GCNT2: variants seen among roughly 807,000 people sequenced by gnomAD.
GCNT2 encodes the protein glucosaminyl (N-acetyl) transferase 2 (I blood group).
In GCNT2, 34 loss-of-function variants were observed where a neutral mutation model predicts 34.2. The ratio of observed to expected loss-of-function variants is 1.00; its 90% confidence interval spans 0.76 to 1.32. The LOEUF is 1.32. Among genes scored for constraint, GCNT2 ranks in the 40% most tolerant of loss-of-function variants. GCNT2 has a pLI of 0.00. For missense variants in GCNT2, 584 were observed against 489.4 expected (o/e 1.19, Z -1.82); for synonymous variants, 212 against 188.0 (o/e 1.13, Z -1.04).
chr6:10,615,967 C>T (rs1765740363), intron 3 of GCNT2, among the ~76,000 whole-genome samples: 1 of 152,196 alleles, frequency 6.6e-6, no homozygotes, highest in East Asian at 1.9e-4. Context: ...TGTGCTGACT[C>T]CTGTCTCATC....
intron 3 of GCNT2, among the ~76,000 whole-genome samples, chr6:10,591,205 C>T (rs775916313): frequency 9.2e-5 from 14 of 152,206 alleles, no homozygotes; most frequent in Admixed American, 3.9e-4. Context: ...ACTACTCCTA[C>T]GCTGCATGCA....
intron 3 of GCNT2, among the ~76,000 whole-genome samples, chr6:10,606,873 T>C (rs1201835169): frequency 6.6e-6 from 1 of 152,004 alleles, no homozygotes; most frequent in Non-Finnish European, 1.5e-5. Context: ...TATAACCAGC[T>C]CTCCTCATGT....
At chr6:10,573,621 A>C (rs1379102251) in intron 3 of GCNT2, among the ~76,000 whole-genome samples, 1 of 152,242 alleles carries the variant, frequency 6.6e-6, no homozygotes. Flanking sequence ...TAATTTTTAG[A>C]AGCTTTCTCA....
chr6:10,533,177 G>T (rs965153668), intron 3 of GCNT2, among the ~76,000 whole-genome samples: 1 of 151,410 alleles, frequency 6.6e-6, no homozygotes. Flanking sequence ...GTGGTGGCAC[G>T]TGCCTGTAAT....
rs547942204 is a variant in GCNT2 at position 10,572,446 on chromosome 6, G to A, written c.925+42610G>A. The stretch of plus-strand genomic sequence containing the variant: ...CATCTAAAAGGATAGATGGCAGGCC[G>A]GGCGCTGTGGCTCACGCCTGTAATC... On this transcript the variant is annotated intron_variant, in intron 3 of 4. Transcript: ENST00000495262. Among the ~76,000 whole-genome samples the A allele has an allele frequency of 5.9e-5, 9 of 152,214 alleles. No individual in the cohort carries two copies. In the South Asian group the frequency reaches 1.2e-3, roughly 21 times the overall value.
chr6:10,588,907 G>T (rs1050873796), intron 3 of GCNT2, among the ~76,000 whole-genome samples: 2 of 100,384 alleles, frequency 2.0e-5, no homozygotes, highest in African/African-American at 7.4e-5. Context: ...GTTGTGTGGT[G>T]TGTGTGTAGT....
In GCNT2 at chr6:10,589,312, T is replaced by C. The variant is rs1764528256; in HGVS notation, c.926-32039T>C. Among the ~76,000 whole-genome samples, 4 of 119,390 alleles carry C rather than the reference T, an allele frequency of 3.4e-5. No individual in the cohort carries two copies. In the South Asian group the frequency reaches 9.6e-4, roughly 29 times the overall value. The allele number at this position is 119,390 out of a possible 152,430, so 78.3% of individuals were successfully genotyped here. ...TGTGTGGTGTGTAGTGTGTGGTGTG[T>C]TTGTAGTGTGGTGTGTTTGTAGTGT... On this transcript the variant is annotated intron_variant, in intron 3 of 4. Coordinates refer to ENST00000495262, the MANE Select transcript of GCNT2 (RefSeq NM_145649.5).
chr6:10,545,013 TAAAG>T (rs1762210086), intron 3 of GCNT2, among the ~76,000 whole-genome samples: 1 of 152,246 alleles, frequency 6.6e-6, no homozygotes, highest in South Asian at 2.1e-4. Flanking sequence ...GGAAAATAAA[TAAAG>T]CAATTTAATT....
Position 10,626,582 on chromosome 6 carries a change from C to A in GCNT2, c.1184C>A (p.Ala395Glu), listed in dbSNP as rs371217806. The A allele has an allele frequency of 6.2e-7, 1 of 1,613,384 alleles. No individual in the cohort carries two copies. The highest frequency in any genetic ancestry group is 8.5e-7 in the Non-Finnish European group (1 of 1,179,430). Reference protein sequence around the residue: ...RERTLNQSETAIQPSWYF With the variant: ...RERTLNQSETEIQPSWYF ...AGAACCCTCAATCAGAGTGAAACTGCGATACAACCCAGCTGGTATTTTTGA... is the reference window on the plus strand; with the variant it reads ...AGAACCCTCAATCAGAGTGAAACTGAGATACAACCCAGCTGGTATTTTTGA... The change falls in exon 5 of 5, where the codon GCG (alanine) becomes GAG (glutamate). Residue 395 changes from alanine to glutamate, a missense_variant. By Grantham distance (107) the Ala-to-Glu change is moderately radical. Transcript: ENST00000495262.
chr6:10,541,255 A>G (rs774310084), intron 3 of GCNT2, among the ~76,000 whole-genome samples: 2 of 152,176 alleles, frequency 1.3e-5, no homozygotes, highest in African/African-American at 4.8e-5. Flanking sequence ...GTATGAGAAC[A>G]TGCGGTGTTT....
At chr6:10,621,819 C>T (rs2127445213) in intron 4 of GCNT2, among the ~76,000 whole-genome samples, 2 of 152,288 alleles carry the variant, frequency 1.3e-5, no homozygotes, top group African/African-American at 4.8e-5. Context: ...AGGCCTCACA[C>T]CTCAGCCTCC....
At chr6:10,576,167 G>A (rs1581431741) in intron 3 of GCNT2, among the ~76,000 whole-genome samples, 1 of 152,292 alleles carries the variant, frequency 6.6e-6, no homozygotes, top group Middle Eastern at 3.4e-3. Context: ...ACCACGCCCT[G>A]CCACATTTTC....
intron 3 of GCNT2, among the ~76,000 whole-genome samples, chr6:10,579,741 G>A (rs1477732293): frequency 6.6e-6 from 1 of 150,674 alleles, no homozygotes; most frequent in African/African-American, 2.4e-5. Context: ...GCTTGAACCC[G>A]GAAGGCGGAG....
intron 3 of GCNT2, among the ~76,000 whole-genome samples, chr6:10,583,317 G>T (rs944316018): frequency 1.3e-5 from 2 of 152,138 alleles, no homozygotes; most frequent in Non-Finnish European, 2.9e-5. Flanking sequence ...TGGCTGCATT[G>T]TGAATCAAAT....
rs1561816430 is a variant in GCNT2, at chr6:10,582,335, CTATATAATATAT to C, written c.926-39015_926-39004del. Reference sequence around the variant, plus strand: ...ATAGTAATATTAAATATAATATATACTATATAATATATAGTAATATTAAATATAATATATACT... The same window carrying C: ...ATAGTAATATTAAATATAATATATACAGTAATATTAAATATAATATATACT... On this transcript the variant is annotated intron_variant, in intron 3 of 4. Transcript: ENST00000495262. Among the ~76,000 whole-genome samples the C allele has an allele frequency of 7.2e-4, 62 of 86,358 alleles. 1 individual carries two copies. The highest frequency in any genetic ancestry group is 3.7e-3 in the African/African-American group (59 of 15,856). 56.7% of individuals were successfully genotyped at this position (86,358 alleles called of 152,430 possible). A position where few individuals can be genotyped will look rare whatever the true frequency, so the allele number is the denominator to read the frequency against.
chr6:10,543,020 A>T (rs1015565914), intron 3 of GCNT2, among the ~76,000 whole-genome samples: 1 of 145,256 alleles, frequency 6.9e-6, no homozygotes, highest in African/African-American at 2.6e-5. Flanking sequence ...CGATTCTCCT[A>T]CCTCAGCCTC....
rs372109630 is a variant in GCNT2 at position 10,614,188 on chromosome 6, T to C, written c.926-7163T>C. Among the ~76,000 whole-genome samples, 41 of 152,274 alleles carry C rather than the reference T, an allele frequency of 2.7e-4. 1 individual carries two copies. The highest frequency in any genetic ancestry group is 9.9e-4 in the African/African-American group (41 of 41,556). On this transcript the variant is annotated intron_variant, in intron 3 of 4. Transcript: ENST00000495262. ...AAGTGATGCTTACTAGGTATTCAAA[T>C]TGAGCTGTCACCAGAAGTCTTGTTG...
chr6:10,533,799 TCAAA>T (rs1561781711), intron 3 of GCNT2, among the ~76,000 whole-genome samples: 3 of 39,596 alleles, frequency 7.6e-5, no homozygotes, highest in African/African-American at 1.1e-4. Context: ...AGACTCTGTC[TCAAA>T]AAAAAAAAAA....
chr6:10,567,821 A>G (rs570350551), intron 3 of GCNT2, among the ~76,000 whole-genome samples: 10 of 152,348 alleles, frequency 6.6e-5, no homozygotes, highest in African/African-American at 2.2e-4. Flanking sequence ...AAAATTTATC[A>G]TGGAGTTTTG....
Sources: allele counts gnomAD v4.1 joint callset (sites outside exome capture counted in the v4.1 genomes callset), GRCh38; gene constraint gnomAD v4.1.1; transcripts MANE v1.5; gene names NCBI Gene and HGNC (gene_info 2026-07-23, HGNC 2026-07-21).